The following APBA2 variants were observed in gnomAD, a reference collection of about 807,000 sequenced individuals.
APBA2 encodes the protein amyloid beta precursor protein binding family A member 2, also known as amyloid-beta A4 precursor protein-binding family A member 2.
A neutral mutation model predicts 75.0 loss-of-function variants in APBA2; 30 were observed. The ratio of observed to expected loss-of-function variants is 0.40; its 90% confidence interval spans 0.30 to 0.54. APBA2 has a LOEUF of 0.54. Ranked by LOEUF, APBA2 falls within the 20% of genes least tolerant of loss-of-function variation. APBA2 has a pLI of 0.49. For synonymous variants in APBA2, 444 were observed against 409.6 expected (o/e 1.08, Z -1.01); for missense variants, 801 against 1,016.1 (o/e 0.79, Z 2.88).
chr15:28,984,064 C>T (rs117109641), intron 2 of APBA2, among the ~76,000 whole-genome samples: 2,037 of 152,270 alleles, frequency 0.013, 24 homozygotes, highest in Non-Finnish European at 0.02. Flanking sequence ...GGCGTGCCCT[C>T]GGTTGATCAG....
intron 3 of APBA2, among the ~76,000 whole-genome samples, chr15:29,051,161 G>C (rs748366923): frequency 2.6e-5 from 4 of 152,138 alleles, no homozygotes; most frequent in Non-Finnish European, 4.4e-5. Context: ...AAGAAATCTG[G>C]TGACAAGTTA....
At chr15:29,105,650 C>T in intron 11 of APBA2, 92 bp downstream of exon 11, 1 of 1,396,858 alleles carries the variant, frequency 7.2e-7, no homozygotes, top group Non-Finnish European at 1.0e-6. Context: ...GGTCCTCACG[C>T]ACACCCTTGC....
At chr15:29,013,471 C>T (rs1049696523) in intron 3 of APBA2, among the ~76,000 whole-genome samples, 8 of 151,804 alleles carry the variant, frequency 5.3e-5, no homozygotes, top group Non-Finnish European at 8.8e-5. Flanking sequence ...TAAGTAGAGA[C>T]GGGGTTTCAC....
intron 1 of APBA2, among the ~76,000 whole-genome samples, chr15:28,905,125 T>C (rs1038230937): frequency 4.6e-5 from 7 of 152,116 alleles, no homozygotes; most frequent in African/African-American, 1.7e-4. Context: ...CAGGCTGCCT[T>C]TTGAAGCTTG....
intron 4 of APBA2, among the ~76,000 whole-genome samples, chr15:29,059,306 G>A (rs1245078404): frequency 6.6e-6 from 1 of 152,180 alleles, no homozygotes; most frequent in Non-Finnish European, 1.5e-5. Context: ...GCTGCCATGT[G>A]CCTTACATGT....
At chr15:28,942,741 G>C (rs565947968) in intron 2 of APBA2, among the ~76,000 whole-genome samples, 1 of 152,184 alleles carries the variant, frequency 6.6e-6, no homozygotes. Context: ...CCCAGGACCC[G>C]AGTGAGCGTC....
chr15:28,895,792 G>A (rs530555821), intron 1 of APBA2, among the ~76,000 whole-genome samples: 1 of 152,170 alleles, frequency 6.6e-6, no homozygotes, highest in East Asian at 1.9e-4. Flanking sequence ...AACTGGAAAG[G>A]CCTGCTGCTT....
intron 13 of APBA2, among the ~76,000 whole-genome samples, chr15:29,109,805 G>A (rs1354836776): frequency 1.3e-5 from 2 of 152,256 alleles, no homozygotes; most frequent in Non-Finnish European, 1.5e-5. Context: ...TGCTTGTGAA[G>A]ATCAGCTGAG....
intron 1 of APBA2, among the ~76,000 whole-genome samples, chr15:28,907,080 A>G (rs2033168777): frequency 6.6e-6 from 1 of 152,172 alleles, no homozygotes; most frequent in African/African-American, 2.4e-5. Flanking sequence ...TAATATATAT[A>G]AGCACCCTCC....
chr15:29,021,783 C>G (rs914294745), intron 3 of APBA2, among the ~76,000 whole-genome samples: 1 of 152,104 alleles, frequency 6.6e-6, no homozygotes, highest in African/African-American at 2.4e-5. Context: ...CGTGTACCCT[C>G]GGCCCAGCAT....
intron 14 of APBA2, 23 bp from the exon 15 acceptor site, chr15:29,117,039 C>T (rs754425700): frequency 1.9e-6 from 3 of 1,612,262 alleles, no homozygotes; most frequent in African/African-American, 2.7e-5. Flanking sequence ...GGCAGCGGCT[C>T]AGCCTCCTGT....
chr15:29,048,502 A>G (rs1344783259), intron 3 of APBA2, among the ~76,000 whole-genome samples: 1 of 152,214 alleles, frequency 6.6e-6, no homozygotes, highest in Non-Finnish European at 1.5e-5. Context: ...AAATGAGAAT[A>G]ATGAGAGAGA....
chr15:28,968,688 A>G (rs1442014447), intron 2 of APBA2, among the ~76,000 whole-genome samples: 1 of 152,232 alleles, frequency 6.6e-6, no homozygotes, highest in Admixed American at 6.5e-5. Flanking sequence ...CTTAAGCTCC[A>G]GCATCTCAGA....
intron 2 of APBA2, among the ~76,000 whole-genome samples, chr15:28,984,090 G>T (rs2037768922): frequency 6.6e-6 from 1 of 152,208 alleles, no homozygotes; most frequent in South Asian, 2.1e-4. Flanking sequence ...CTGCTGTGGG[G>T]TGCACAGGTG....
chr15:28,915,913 T>C (rs1245995907), intron 1 of APBA2, among the ~76,000 whole-genome samples: 1 of 150,350 alleles, frequency 6.7e-6, no homozygotes, highest in Non-Finnish European at 1.5e-5. Context: ...CACACCATAC[T>C]ACACAGTTAC....
intron 13 of APBA2, 38 bp from the exon 14 acceptor site, chr15:29,113,838 G>A: frequency 6.4e-7 from 1 of 1,571,098 alleles, no homozygotes; most frequent in Non-Finnish European, 8.6e-7. Context: ...GTCGGGTGTG[G>A]CGGGAACACG....
chr15:29,045,585 A>G (rs766643849), intron 3 of APBA2, among the ~76,000 whole-genome samples: 2 of 152,206 alleles, frequency 1.3e-5, no homozygotes, highest in Non-Finnish European at 2.9e-5. Flanking sequence ...GGATGTAGCC[A>G]TTAAAATGAT....
intron 6 of APBA2, among the ~76,000 whole-genome samples, chr15:29,083,335 G>A (rs538681354): frequency 5.9e-5 from 9 of 152,096 alleles, no homozygotes; most frequent in Admixed American, 5.2e-4. Flanking sequence ...TTACAGGGAC[G>A]GTCCATTCAG....
intron 3 of APBA2, among the ~76,000 whole-genome samples, chr15:29,048,586 G>C (rs2041452988): frequency 6.6e-6 from 1 of 152,200 alleles, no homozygotes; most frequent in South Asian, 2.1e-4. Context: ...TTGCTGGGCA[G>C]ATAGAAATGA....
Sources: allele counts gnomAD v4.1 joint callset (sites outside exome capture counted in the v4.1 genomes callset), GRCh38; gene constraint gnomAD v4.1.1; transcripts MANE v1.5; gene names NCBI Gene and HGNC (gene_info 2026-07-23, HGNC 2026-07-21).